The following TGM7 variants were observed in gnomAD, a reference collection of about 807,000 sequenced individuals.
TGM7 encodes the protein protein-glutamine gamma-glutamyltransferase Z.
TGM7 carries 74 observed loss-of-function variants against 79.5 expected under a neutral mutation model. The observed-to-expected ratio is 0.93, with a 90% confidence interval of 0.77 to 1.13. The LOEUF is 1.13. Ranked by LOEUF, TGM7 falls within the 50% of genes most tolerant of loss-of-function variation. The pLI, the probability that TGM7 is intolerant of heterozygous loss-of-function variation, is 0.00. For synonymous variants in TGM7, 354 were observed against 362.5 expected (o/e 0.98, Z 0.27); for missense variants, 912 against 905.9 (o/e 1.01, Z -0.09).
Position 43,302,135 on chromosome 15 carries a change from CAATCCA to C in TGM7, c.10+100_10+105del. ...TATTGCACAATGAACTACCAATCAT[CAATCCA>C]GGCTCTCCTGTCGCTTCCCTACATC... On this transcript the variant is annotated intron_variant, in intron 1 of 12. Transcript: ENST00000452443. 2.2e-6 allele frequency: 3 copies of C among 1,337,336 alleles called. No homozygotes were observed. The South Asian group carries it at 3.5e-5, about 16-fold the overall frequency. The allele number at this position is 1,337,336 out of a possible 1,614,324, so 82.8% of individuals were successfully genotyped here. A position where few individuals can be genotyped will look rare whatever the true frequency, so the allele number is the denominator to read the frequency against.
At chr15:43,293,725 G>A in intron 1 of TGM7, 94 bp from the exon 2 acceptor site, 1 of 679,972 alleles carries the variant, frequency 1.5e-6, no homozygotes, top group Non-Finnish European at 1.9e-6. Context: ...GAGGTGCGGC[G>A]GGTGGTGGGG....
intron 9 of TGM7, among the ~76,000 whole-genome samples, chr15:43,281,001 G>C (rs2042905213): frequency 6.6e-6 from 1 of 152,216 alleles, no homozygotes; most frequent in African/African-American, 2.4e-5. Flanking sequence ...CACAGGTTCA[G>C]ATTGTTACTG....
At position 43,291,962 on chromosome 15, in the gene TGM7, T is replaced by C. The variant is rs754162817; in HGVS notation, c.558+17A>G. The C allele has an allele frequency of 8.8e-6, 14 of 1,593,108 alleles. No individual in the cohort carries two copies. Among genetic ancestry groups the C allele is most frequent in the South Asian group, 3.3e-5 (3 of 90,602 alleles). On this transcript the variant is annotated intron_variant, in intron 4 of 12. Transcript: ENST00000452443. ...TTAGGGAGCCCACCCCAGGCCCACA[T>C]TGGGTAATAGTGTTACCTGCCCGTA...
In TGM7 at chr15:43,284,920, CA is replaced by C; in HGVS notation, c.897del (p.Val300PhefsTer14). 6.2e-7 allele frequency: 1 copy of C among 1,614,192 alleles called. No individual in the cohort carries two copies. The highest frequency in any genetic ancestry group is 8.5e-7 in the Non-Finnish European group (1 of 1,180,024). The stretch of plus-strand genomic sequence containing the variant: ...TTGTGCGCGGAACGGAAATTGGAAA[CA>C]ACACGGGTTGGAACACCTAAGCATC... ...VMRCLGVPTR[V>X]VSNFRSAHNV... On this transcript the variant is annotated frameshift_variant, in exon 7 of 13. Coordinates refer to ENST00000452443, the MANE Select transcript of TGM7 (RefSeq NM_052955.3). LOFTEE classifies it high-confidence loss of function.
At chr15:43,300,539 C>T (rs1311498947) in intron 1 of TGM7, among the ~76,000 whole-genome samples, 1 of 152,220 alleles carries the variant, frequency 6.6e-6, no homozygotes, top group East Asian at 1.9e-4. Flanking sequence ...CGGTGGCTCA[C>T]GCCTGTAATC....
At position 43,287,590 on chromosome 15, in the gene TGM7, C is replaced by T. The variant is rs763399565; in HGVS notation, c.638G>A (p.Cys213Tyr). 1 of 1,614,172 alleles carries T rather than the reference C, an allele frequency of 6.2e-7. No individual in the cohort carries two copies. Among genetic ancestry groups the T allele is most frequent in the Non-Finnish European group, 8.5e-7 (1 of 1,180,028 alleles). Residue 213 changes from cysteine (C) to tyrosine (Y), a missense_variant, in exon 5 of 13, where the codon TGT becomes TAT. By Grantham distance (194) the Cys-to-Tyr change is radical. Transcript: ENST00000452443. ...LYHLKNPAKD[C>Y]SQRNDVVYVC... ...ATACACCACGTCGTTCCGCTGGGAACAGTCTTTGGCCGGGTTCTTTAAGTG... is the reference window on the plus strand; with the variant it reads ...ATACACCACGTCGTTCCGCTGGGAATAGTCTTTGGCCGGGTTCTTTAAGTG...
chr15:43,292,769 C>G lies in TGM7; in HGVS notation c.379G>C (p.Gly127Arg). 6.2e-7 allele frequency: 1 copy of G among 1,614,152 alleles called. No homozygotes were observed. Among genetic ancestry groups the G allele is most frequent in the South Asian group, 1.1e-5 (1 of 91,080 alleles). The change falls in exon 3 of 13, where the codon GGT (glycine) becomes CGT (arginine). Residue 127 changes from glycine (G) to arginine (R), a missense_variant. Transcript: ENST00000452443. ...CCCAGCGGGTAAGTCACACTGTGAC[C>G]TTGGCCCTGAGAGATCTCTATTTTC... is the stretch of plus-strand genomic sequence containing the variant. ...TLKIEISQGQGHSVTYPLGTF... is the reference protein window; with the variant it reads ...TLKIEISQGQRHSVTYPLGTF...
intron 4 of TGM7, 31 bp from the exon 5 acceptor site, chr15:43,287,700 G>T: frequency 6.3e-7 from 1 of 1,595,748 alleles, no homozygotes; most frequent in South Asian, 1.1e-5. Context: ...AGAAAAAAGA[G>T]AAGAGCAAAT....
intron 1 of TGM7, among the ~76,000 whole-genome samples, chr15:43,299,973 C>T (rs2043018133): frequency 6.6e-6 from 1 of 152,098 alleles, no homozygotes; most frequent in Non-Finnish European, 1.5e-5. Flanking sequence ...AATGTGGTCC[C>T]AACATATCTC....
chr15:43,285,314 C>T (rs984366800), intron 6 of TGM7, among the ~76,000 whole-genome samples: 2 of 152,148 alleles, frequency 1.3e-5, no homozygotes, highest in African/African-American at 4.8e-5. Context: ...AGGCGGATCA[C>T]GAGGTCAGGG....
At chr15:43,279,546 G>T (rs765450633) in intron 10 of TGM7, 79 bp downstream of exon 10, 1 of 1,476,022 alleles carries the variant, frequency 6.8e-7, no homozygotes, top group African/African-American at 1.4e-5. Flanking sequence ...GTGTAATCTG[G>T]CTGGGCCCAC....
rs765744133 is a variant in TGM7 at position 43,287,413 on chromosome 15, G to T, written c.732C>A (p.Gly244=). The T allele has an allele frequency of 6.2e-7, 1 of 1,614,040 alleles. No individual in the cohort carries two copies. Among genetic ancestry groups the T allele is most frequent in the African/African-American group, 1.3e-5 (1 of 75,020 alleles). The change falls in exon 6 of 13, where the codon GGC becomes GGA. Residue 244 remains glycine (G), a synonymous_variant. Transcript: ENST00000452443. ...DDNGVLQGNW[G]EDYSKGVSPL... is the part of the protein sequence containing the mutation. ...GACTGACCCCTTTGGAGTAGTCCTC[G>T]CCCCAGTTCCCCTGCAGCACGCCAT...
chr15:43,300,554 C>T (rs2043020594), intron 1 of TGM7, among the ~76,000 whole-genome samples: 1 of 152,228 alleles, frequency 6.6e-6, no homozygotes, highest in Admixed American at 6.5e-5. Flanking sequence ...GTAATCCCAG[C>T]ACTTTGGGAG....
At chr15:43,299,260 C>T (rs923100727) in intron 1 of TGM7, among the ~76,000 whole-genome samples, 1 of 151,940 alleles carries the variant, frequency 6.6e-6, no homozygotes, top group Non-Finnish European at 1.5e-5. Flanking sequence ...AGGATTAATT[C>T]GACTGTGGCA....
chr15:43,300,037 C>T (rs1459300946), intron 1 of TGM7, among the ~76,000 whole-genome samples: 2 of 152,194 alleles, frequency 1.3e-5, no homozygotes, highest in East Asian at 3.8e-4. Flanking sequence ...TGTACTATGG[C>T]CTCCAAACAG....
chr15:43,284,745 G>A, intron 7 of TGM7, 69 bp downstream of exon 7: 1 of 1,565,960 alleles, frequency 6.4e-7, no homozygotes, highest in Non-Finnish European at 8.8e-7. Flanking sequence ...AAGAGCCAGA[G>A]AGAACCAGGT....
Position 43,279,294 on chromosome 15 carries a change from GACACCTTGA to G in TGM7, c.1679-26_1679-18del, listed in dbSNP as rs1170408480. The G allele has an allele frequency of 6.2e-7, 1 of 1,611,958 alleles. No individual in the cohort carries two copies. The highest frequency in any genetic ancestry group is 1.7e-5 in the Admixed American group (1 of 59,760). Reference sequence around the variant, plus strand: ...ACTGTGTCTCTAAGCACATACAAAAGACACCTTGAGTCCAGGACATGGACCAGAGAGAGG... The same window carrying G: ...ACTGTGTCTCTAAGCACATACAAAAGGTCCAGGACATGGACCAGAGAGAGG... On this transcript the variant is annotated intron_variant, in intron 10 of 12. Coordinates refer to ENST00000452443, the MANE Select transcript of TGM7 (RefSeq NM_052955.3).
At chr15:43,295,342 G>A (rs928865465) in intron 1 of TGM7, among the ~76,000 whole-genome samples, 1 of 152,208 alleles carries the variant, frequency 6.6e-6, no homozygotes, top group African/African-American at 2.4e-5. Context: ...TGTAATCCCA[G>A]CACTTTGGGA....
At chr15:43,282,186 C>G in intron 8 of TGM7, 100 bp from the exon 9 acceptor site, 2 of 1,490,724 alleles carry the variant, frequency 1.3e-6, no homozygotes, top group South Asian at 1.2e-5. Flanking sequence ...GACTCTCACC[C>G]GTGGGATATC....
Sources: allele counts gnomAD v4.1 joint callset (sites outside exome capture counted in the v4.1 genomes callset), GRCh38; gene constraint gnomAD v4.1.1; transcripts MANE v1.5; gene names NCBI Gene and HGNC (gene_info 2026-07-23, HGNC 2026-07-21).